CA10: variants seen among roughly 807,000 people sequenced by gnomAD.
CA10 encodes carbonic anhydrase-related protein 10.
In CA10, 14 loss-of-function variants were observed where a neutral mutation model predicts 44.2. The observed-to-expected ratio is 0.32, with a 90% CI of 0.21 to 0.50. The LOEUF is 0.50. CA10 is among the 20% of genes least tolerant of loss of function. The probability of loss-of-function intolerance (pLI) is 0.99; values close to 1 mark genes in which losing one functional copy is unlikely to be tolerated. For missense variants in CA10, 350 were observed against 409.7 expected (o/e 0.85, Z 1.26); for synonymous variants, 159 against 141.6 (o/e 1.12, Z -0.87).
In CA10 at chr17:52,078,767, C is replaced by T. The variant is rs148374812; in HGVS notation, c.62-6374G>A. Among the ~76,000 whole-genome samples, 730 of 152,328 alleles carry T rather than the reference C, an allele frequency of 4.8e-3. 4 individuals are homozygous for T. Among genetic ancestry groups the T allele is most frequent in the African/African-American group, 0.016 (676 of 41,564 alleles). On this transcript the variant is annotated intron_variant, in intron 1 of 8. Coordinates refer to ENST00000451037, the MANE Select transcript of CA10 (RefSeq NM_020178.5). ...TCGTCAGAAGAAACATAAATGACTG[C>T]CCCATTGAGCTGCATGGCACTCACT...
At position 51,726,627 on chromosome 17, in the gene CA10, C is replaced by T. The variant is rs567779940; in HGVS notation, c.465+21006G>A. 2.0e-5 allele frequency among the ~76,000 whole-genome samples: 3 copies of T among 152,292 alleles called. No individual in the cohort carries two copies. The East Asian group carries it at 5.8e-4, about 29-fold the overall frequency. On this transcript the variant is annotated intron_variant, in intron 4 of 8. Coordinates refer to ENST00000451037, the MANE Select transcript of CA10 (RefSeq NM_020178.5). Reference sequence around the variant, plus strand: ...AAATCTGTAGCATTATCTGTCTATACTTAATCAACTAGGCCTTGTGTTGTT... The same window carrying T: ...AAATCTGTAGCATTATCTGTCTATATTTAATCAACTAGGCCTTGTGTTGTT...
At chr17:52,128,457 T>C (rs1270398961) in intron 1 of CA10, among the ~76,000 whole-genome samples, 1 of 152,170 alleles carries the variant, frequency 6.6e-6, no homozygotes, top group East Asian at 1.9e-4. Flanking sequence ...CCCTGCTGAA[T>C]CTGACAATGG....
chr17:52,157,715 G>T lies in CA10; in HGVS notation c.61+11C>A, dbSNP rs762671330. ...ATCCAAATCAGCCAGTGACTTCGGCGCGTCCCGTACCTGATATGCAGACGA... is the reference window on the plus strand; with the variant it reads ...ATCCAAATCAGCCAGTGACTTCGGCTCGTCCCGTACCTGATATGCAGACGA... On this transcript the variant is annotated intron_variant, in intron 1 of 8. Coordinates refer to ENST00000451037, the MANE Select transcript of CA10 (RefSeq NM_020178.5). The T allele has an allele frequency of 3.1e-6, 5 of 1,612,892 alleles. No homozygotes were observed. In the African/African-American group the frequency reaches 6.7e-5, roughly 22 times the overall value.
chr17:51,699,035 C>T (rs1597993103), intron 4 of CA10, among the ~76,000 whole-genome samples: 1 of 152,084 alleles, frequency 6.6e-6, no homozygotes, highest in African/African-American at 2.4e-5. Flanking sequence ...AATTTTATTT[C>T]CTGGGCCGAG....
chr17:51,649,354 A>G (rs555420328), intron 5 of CA10, 100 bp from the exon 6 acceptor site: 62 of 882,084 alleles, frequency 7.0e-5, no homozygotes, highest in Admixed American at 5.2e-4. Flanking sequence ...CTGAGTATCT[A>G]CCATGAGCCA....
At chr17:52,051,291 T>C (rs1158965460) in intron 2 of CA10, among the ~76,000 whole-genome samples, 1 of 151,630 alleles carries the variant, frequency 6.6e-6, no homozygotes, top group East Asian at 1.9e-4. Context: ...AAACCAAAAT[T>C]GACAAATGGG....
At chr17:51,882,436 A>C (rs149312030) in intron 3 of CA10, among the ~76,000 whole-genome samples, 123 of 152,276 alleles carry the variant, frequency 8.1e-4, no homozygotes, top group Non-Finnish European at 1.5e-3. Flanking sequence ...ATTAATGCCA[A>C]TTGTAAATTG....
chr17:51,836,040 A>G (rs1398003073), intron 3 of CA10, among the ~76,000 whole-genome samples: 1 of 152,278 alleles, frequency 6.6e-6, no homozygotes, highest in South Asian at 2.1e-4. Context: ...GAGGAAAGAG[A>G]AGGAGGAACA....
In CA10 at chr17:51,958,816, T is replaced by C. The variant is rs544399822; in HGVS notation, c.137-27684A>G. ...CGAGAAGAAAACATGAGAATACCAATAGAAGAAAAATATGTAATTTGGTTT... is the reference window on the plus strand; with the variant it reads ...CGAGAAGAAAACATGAGAATACCAACAGAAGAAAAATATGTAATTTGGTTT... On this transcript the variant is annotated intron_variant, in intron 2 of 8. Coordinates refer to ENST00000451037, the MANE Select transcript of CA10 (RefSeq NM_020178.5). Among the ~76,000 whole-genome samples, 181 of 152,102 alleles carry C rather than the reference T, an allele frequency of 1.2e-3. 5 individuals carry two copies. The South Asian group carries it at 0.021, about 18-fold the overall frequency.
intron 2 of CA10, among the ~76,000 whole-genome samples, chr17:51,945,828 CCTCTCACA>C (rs1370616334): frequency 6.6e-6 from 1 of 152,138 alleles, no homozygotes; most frequent in Non-Finnish European, 1.5e-5. Context: ...CAAGATTACA[CCTCTCACA>C]GTCACACAGT....
At chr17:51,917,461 T>G (rs1428242127) in intron 3 of CA10, among the ~76,000 whole-genome samples, 4 of 136,472 alleles carry the variant, frequency 2.9e-5, no homozygotes, top group Admixed American at 7.3e-5. Flanking sequence ...CTTGCATTGT[T>G]ATACAGAAAT....
intron 3 of CA10, among the ~76,000 whole-genome samples, chr17:51,908,919 T>A (rs1480550516): frequency 6.6e-6 from 1 of 152,146 alleles, no homozygotes; most frequent in African/African-American, 2.4e-5. Flanking sequence ...TAATCTGATA[T>A]CGACACAAAG....
At chr17:52,109,657 G>T (rs1988748279) in intron 1 of CA10, among the ~76,000 whole-genome samples, 1 of 152,194 alleles carries the variant, frequency 6.6e-6, no homozygotes, top group Admixed American at 6.5e-5. Flanking sequence ...GGAGTTTAAT[G>T]CAAGTCACAT....
chr17:51,924,763 A>C (rs919989783), intron 3 of CA10, among the ~76,000 whole-genome samples: 2 of 151,216 alleles, frequency 1.3e-5, no homozygotes, highest in Admixed American at 6.6e-5. Context: ...TCTGGTCCTC[A>C]CTCCCTCTCC....
At chr17:52,112,504 C>G (rs1309413423) in intron 1 of CA10, among the ~76,000 whole-genome samples, 1 of 152,208 alleles carries the variant, frequency 6.6e-6, no homozygotes, top group Admixed American at 6.5e-5. Flanking sequence ...TTATATTTGG[C>G]CCTTTATAGA....
intron 3 of CA10, among the ~76,000 whole-genome samples, chr17:51,929,871 C>T (rs1336778793): frequency 6.6e-6 from 1 of 152,092 alleles, no homozygotes; most frequent in Non-Finnish European, 1.5e-5. Flanking sequence ...AAATGCTTCT[C>T]AAGTCATATT....
intron 2 of CA10, among the ~76,000 whole-genome samples, chr17:52,024,890 T>C (rs1986251074): frequency 6.6e-6 from 1 of 151,886 alleles, no homozygotes. Context: ...ATGATTGTGA[T>C]GATGGTCATA....
rs2938135 is a variant in CA10 at position 52,157,539 on chromosome 17, G to A, written c.61+187C>T. 5.7e-3 allele frequency among the ~76,000 whole-genome samples: 719 copies of A among 126,560 alleles called. 36 individuals are homozygous for A. Among genetic ancestry groups the A allele is most frequent in the African/African-American group, 0.021 (697 of 33,052 alleles). 83.0% of individuals were successfully genotyped at this position (126,560 alleles called of 152,430 possible). ...ACACAGATCCTAACCACCCCCCCCCGCAAAACACACACATTCACACACCCT... is the reference window on the plus strand; with the variant it reads ...ACACAGATCCTAACCACCCCCCCCCACAAAACACACACATTCACACACCCT... On this transcript the variant is annotated intron_variant, in intron 1 of 8. Coordinates refer to ENST00000451037, the MANE Select transcript of CA10 (RefSeq NM_020178.5).
At chr17:51,847,703 G>C (rs548914035) in intron 3 of CA10, among the ~76,000 whole-genome samples, 2 of 152,102 alleles carry the variant, frequency 1.3e-5, no homozygotes, top group Non-Finnish European at 2.9e-5. Context: ...AGCATGCTGG[G>C]GTAAATGCAT....
Sources: allele counts gnomAD v4.1 joint callset (sites outside exome capture counted in the v4.1 genomes callset), GRCh38; gene constraint gnomAD v4.1.1; transcripts MANE v1.5; gene names NCBI Gene and HGNC (gene_info 2026-07-23, HGNC 2026-07-21).